RBMS1: variants seen among roughly 807,000 people sequenced by gnomAD.
RBMS1 encodes the protein RNA binding motif single stranded interacting protein 1.
In RBMS1, 17 loss-of-function variants were observed where a neutral mutation model predicts 62.3. That is an observed-to-expected ratio of 0.27 (90% CI 0.19 to 0.41). The LOEUF (loss-of-function observed/expected upper bound fraction) is 0.41. RBMS1 is among the 10% of genes least tolerant of loss of function. The pLI is 1.00. For missense variants in RBMS1, 334 were observed against 504.5 expected, an observed-to-expected ratio of 0.66 and a Z score of 3.24; for synonymous variants, 172 against 170.0, an observed-to-expected ratio of 1.01 and a Z score of -0.09.
intron 1 of RBMS1, among the ~76,000 whole-genome samples, chr2:160,414,769 C>G (rs1458231358): frequency 1.3e-5 from 2 of 151,670 alleles, no homozygotes; most frequent in Non-Finnish European, 2.9e-5. Flanking sequence ...GCCCAACTAA[C>G]CTGGGAGGCT....
intron 4 of RBMS1, among the ~76,000 whole-genome samples, chr2:160,306,968 A>G (rs1444464202): frequency 6.6e-6 from 1 of 152,188 alleles, no homozygotes; most frequent in Non-Finnish European, 1.5e-5. Flanking sequence ...AATAGGGTCA[A>G]CAGGCCTCCT....
At chr2:160,401,240 CTG>C (rs1277512870) in intron 1 of RBMS1, among the ~76,000 whole-genome samples, 1 of 152,280 alleles carries the variant, frequency 6.6e-6, no homozygotes, top group East Asian at 1.9e-4. Flanking sequence ...TTACATTACA[CTG>C]TTATGAAATT....
intron 2 of RBMS1, among the ~76,000 whole-genome samples, chr2:160,323,803 T>C (rs1690731056): frequency 1.3e-5 from 2 of 152,108 alleles, no homozygotes; most frequent in African/African-American, 4.8e-5. Flanking sequence ...TATATAATAA[T>C]ATGAATTTCA....
At chr2:160,484,862 C>A (rs1303348104) in intron 1 of RBMS1, among the ~76,000 whole-genome samples, 1 of 109,164 alleles carries the variant, frequency 9.2e-6, no homozygotes, top group Non-Finnish European at 2.0e-5. Flanking sequence ...CAGAGCAAGA[C>A]TCCGTCTCAA....
At chr2:160,484,278 G>C (rs573228063) in intron 1 of RBMS1, among the ~76,000 whole-genome samples, 171 of 151,704 alleles carry the variant, frequency 1.1e-3, no homozygotes, top group African/African-American at 3.9e-3. Flanking sequence ...GGCAGATTAC[G>C]AGGTCAGCAG....
chr2:160,372,729 T>C (rs1693792974), intron 1 of RBMS1, among the ~76,000 whole-genome samples: 1 of 152,130 alleles, frequency 6.6e-6, no homozygotes, highest in African/African-American at 2.4e-5. Context: ...GAGAGAGGGC[T>C]GGGAATGGTG....
intron 2 of RBMS1, among the ~76,000 whole-genome samples, chr2:160,356,250 T>C (rs1349173639): frequency 1.3e-5 from 2 of 152,154 alleles, no homozygotes; most frequent in Non-Finnish European, 2.9e-5. Context: ...AGGGATTATT[T>C]TGCTAGATGT....
intron 1 of RBMS1, among the ~76,000 whole-genome samples, chr2:160,404,709 G>C (rs1695606686): frequency 6.6e-6 from 1 of 152,146 alleles, no homozygotes; most frequent in Non-Finnish European, 1.5e-5. Flanking sequence ...CAATCATTCA[G>C]TACAGCCACA....
At chr2:160,489,591 T>C (rs1685737026) in intron 1 of RBMS1, among the ~76,000 whole-genome samples, 1 of 152,182 alleles carries the variant, frequency 6.6e-6, no homozygotes, top group Non-Finnish European at 1.5e-5. Context: ...CTAGCCTTTA[T>C]TAATAGAATA....
At chr2:160,332,961 T>A (rs947265386) in intron 2 of RBMS1, among the ~76,000 whole-genome samples, 13 of 151,720 alleles carry the variant, frequency 8.6e-5, no homozygotes, top group African/African-American at 2.9e-4. Context: ...CATACACTCA[T>A]ATGTGCATAT....
At position 160,451,174 on chromosome 2, in the gene RBMS1, T is replaced by TAAAAAAA. The variant is rs1380554839; in HGVS notation, c.75+42114_75+42115insTTTTTTT. ...CATGCTTCAGAAAAAAAAAAATAAATAAATAAAAACTAGAGAAAATATCAT... is the reference window on the plus strand; with the variant it reads ...CATGCTTCAGAAAAAAAAAAATAAATAAAAAAAAAATAAAAACTAGAGAAAATATCAT... On this transcript the variant is annotated intron_variant, in intron 1 of 13. Coordinates refer to ENST00000348849, the MANE Select transcript of RBMS1 (RefSeq NM_016836.4). Among the ~76,000 whole-genome samples the TAAAAAAA allele has an allele frequency of 3.6e-5, 5 of 138,726 alleles. 1 individual carries two copies. Among genetic ancestry groups the TAAAAAAA allele is most frequent in the South Asian group, 4.4e-4 (2 of 4,518 alleles). The allele number at this position is 138,726 out of a possible 152,430, so 91.0% of individuals were successfully genotyped here. A position where few individuals can be genotyped will look rare whatever the true frequency, so the allele number is the denominator to read the frequency against.
chr2:160,412,429 G>C (rs1261275668), intron 1 of RBMS1, among the ~76,000 whole-genome samples: 1 of 152,196 alleles, frequency 6.6e-6, no homozygotes, highest in Non-Finnish European at 1.5e-5. Context: ...TATCCACAAA[G>C]CTAGTAAGCA....
intron 1 of RBMS1, among the ~76,000 whole-genome samples, chr2:160,475,736 A>C (rs1462960048): frequency 6.6e-6 from 1 of 152,212 alleles, no homozygotes; most frequent in African/African-American, 2.4e-5. Flanking sequence ...AATCCTGAGA[A>C]ATATTGTTTT....
At chr2:160,395,843 G>C (rs1395707524) in intron 1 of RBMS1, among the ~76,000 whole-genome samples, 1 of 152,136 alleles carries the variant, frequency 6.6e-6, no homozygotes, top group Non-Finnish European at 1.5e-5. Flanking sequence ...TTTTCGGCTA[G>C]TGAACAGAAT....
At chr2:160,380,522 A>C (rs1221449489) in intron 1 of RBMS1, among the ~76,000 whole-genome samples, 1 of 152,254 alleles carries the variant, frequency 6.6e-6, no homozygotes, top group Non-Finnish European at 1.5e-5. Flanking sequence ...AAAAGAAAAA[A>C]TGCAGGAAGA....
At chr2:160,450,563 T>TAAAAA (rs71006605) in intron 1 of RBMS1, among the ~76,000 whole-genome samples, 3 of 122,390 alleles carry the variant, frequency 2.5e-5, no homozygotes, top group Non-Finnish European at 4.9e-5. Flanking sequence ...AAATAAAAAA[T>TAAAAA]GAAAAAAAAA....
chr2:160,418,367 T>A (rs1286353849), intron 1 of RBMS1, among the ~76,000 whole-genome samples: 1 of 152,192 alleles, frequency 6.6e-6, no homozygotes, highest in Non-Finnish European at 1.5e-5. Context: ...CAGTTCTTAG[T>A]CTTTCTGGGT....
chr2:160,330,777 T>C (rs1481566914), intron 2 of RBMS1, among the ~76,000 whole-genome samples: 2 of 152,154 alleles, frequency 1.3e-5, no homozygotes, highest in East Asian at 1.9e-4. Flanking sequence ...CTCACTGTTA[T>C]GGGTTGAACT....
At chr2:160,411,251 T>G (rs6752024) in intron 1 of RBMS1, among the ~76,000 whole-genome samples, 2 of 152,034 alleles carry the variant, frequency 1.3e-5, no homozygotes, top group Non-Finnish European at 2.9e-5. Context: ...TCTGAAAACT[T>G]CAATGGCTGA....
Sources: gnomAD v4.1 joint callset for allele counts (sites outside exome capture counted in the v4.1 genomes callset) on GRCh38, gnomAD v4.1.1 for gene constraint, MANE v1.5 for transcripts, NCBI Gene and HGNC (gene_info 2026-07-23, HGNC 2026-07-21) for gene names.